ARHGEF28: variants seen among roughly 807,000 people sequenced by gnomAD.
ARHGEF28 encodes the protein 190 kDa guanine nucleotide exchange factor.
Under a neutral mutation model 206.6 loss-of-function variants are expected in ARHGEF28, and 152 were observed. The ratio of observed to expected loss-of-function variants is 0.74; its 90% CI spans 0.64 to 0.84. ARHGEF28 has a LOEUF of 0.84. Among genes scored for constraint, ARHGEF28 ranks in the 40% least tolerant of loss-of-function variants. ARHGEF28 has a pLI of 0.00. For missense variants in ARHGEF28, 2,028 were observed against 2,073.2 expected, an observed-to-expected ratio of 0.98 and a Z score of 0.42; for synonymous variants, 763 against 776.4, an observed-to-expected ratio of 0.98 and a Z score of 0.29.
At chr5:73,772,625 C>T (rs866212294) in intron 4 of ARHGEF28, among the ~76,000 whole-genome samples, 12 of 152,160 alleles carry the variant, frequency 7.9e-5, no homozygotes, top group South Asian at 2.1e-4. Flanking sequence ...GTGATCCTCC[C>T]GCGTTGGCCT....
intron 10 of ARHGEF28, among the ~76,000 whole-genome samples, chr5:73,834,910 T>G (rs1757530647): frequency 6.6e-6 from 1 of 152,178 alleles, no homozygotes; most frequent in African/African-American, 2.4e-5. Flanking sequence ...CATATCTACA[T>G]ACTTAAGTGA....
chr5:73,837,937 G>A lies in ARHGEF28; in HGVS notation c.1147-2543G>A, dbSNP rs1049109064. Reference sequence around the variant, plus strand: ...TGGTATTTTTAGAAGAGACAGTTTCGCCATGTTGGCCAGGCTGGTCTTGAA... The same window carrying A: ...TGGTATTTTTAGAAGAGACAGTTTCACCATGTTGGCCAGGCTGGTCTTGAA... On this transcript the variant is annotated intron_variant, in intron 10 of 35. Transcript: ENST00000513042. 7.2e-5 allele frequency among the ~76,000 whole-genome samples: 11 copies of A among 151,878 alleles called. No individual in the cohort carries two copies. In the East Asian group the frequency reaches 9.7e-4, roughly 13 times the overall value.
intron 7 of ARHGEF28, 180 bp from the exon 8 acceptor site, chr5:73,794,222 G>A (rs967992941): frequency 7.7e-6 from 4 of 521,086 alleles, no homozygotes; most frequent in African/African-American, 4.0e-5. Context: ...CCAGAGTATG[G>A]ACAGTCGGGT....
chr5:73,904,786 T>G (rs936680427), intron 33 of ARHGEF28: 44 of 211,212 alleles, frequency 2.1e-4, no homozygotes, highest in Middle Eastern at 3.7e-3. Context: ...TTTAGAGCAG[T>G]TAAGTAATCC....
chr5:73,745,084 T>A (rs189713394), intron 2 of ARHGEF28, among the ~76,000 whole-genome samples: 47 of 152,198 alleles, frequency 3.1e-4, no homozygotes, highest in Non-Finnish European at 2.1e-4. Context: ...TGTCATAATT[T>A]GAAAATACAG....
Position 73,852,675 on chromosome 5 carries a change from G to A in ARHGEF28, c.1773G>A (p.Glu591=), listed in dbSNP as rs371045822. 3.5e-5 allele frequency: 56 copies of A among 1,613,624 alleles called. No individual in the cohort carries two copies. In the South Asian group the frequency reaches 4.1e-4, roughly 12 times the overall value. ...AGCAAAGAGCTTACAGCTTATCGGA[G>A]CCACCAAGAGAAAACAGGTACTTTT... ...SEEQRAYSLS[E]PPRENRIQEE... is the part of the protein sequence containing the mutation. The change falls in exon 14 of 36, where the codon GAG becomes GAA. Residue 591 remains glutamate (E), a synonymous_variant. Coordinates refer to ENST00000513042, the MANE Select transcript of ARHGEF28 (RefSeq NM_001177693.2).
At chr5:73,685,609 ATTTT>A (rs907686761) in intron 2 of ARHGEF28, among the ~76,000 whole-genome samples, 1 of 151,724 alleles carries the variant, frequency 6.6e-6, no homozygotes, top group Non-Finnish European at 1.5e-5. Flanking sequence ...AACAAATTTT[ATTTT>A]TTTTATTTTT....
intron 23 of ARHGEF28, 94 bp downstream of exon 23, chr5:73,882,688 A>G (rs1761030212): frequency 1.7e-6 from 2 of 1,184,712 alleles, no homozygotes; most frequent in African/African-American, 1.6e-5. Flanking sequence ...TTTCTTAGCT[A>G]ATGATGCTTT....
intron 26 of ARHGEF28, among the ~76,000 whole-genome samples, chr5:73,890,718 G>A (rs1761572094): frequency 2.0e-5 from 3 of 152,190 alleles, no homozygotes. Context: ...CAGCAGTGAG[G>A]GAACAGTGGC....
intron 9 of ARHGEF28, among the ~76,000 whole-genome samples, chr5:73,825,564 C>T (rs62357750): frequency 0.066 from 10,088 of 152,186 alleles, 464 homozygotes; most frequent in Non-Finnish European, 0.1. Flanking sequence ...AGAGGCATGA[C>T]GTGACTCGAT....
chr5:73,774,004 G>T lies in ARHGEF28; in HGVS notation c.625G>T (p.Glu209Ter). Residue 209 changes from glutamate (E) to a stop codon, truncating the protein, a stop_gained, in exon 5 of 36, where the codon GAA becomes TAA. Transcript: ENST00000513042. LOFTEE classifies it high-confidence loss of function. ...CACACCATTAGACTTAGCTTTACGT[G>T]AAGGACACTCCAAGCTGGTGGAAGA... ...GATPLDLALR[E>*]GHSKLVEDVT... 5.0e-6 allele frequency: 8 copies of T among 1,603,650 alleles called. No homozygotes were observed. Among genetic ancestry groups the T allele is most frequent in the Middle Eastern group, 1.7e-4 (1 of 6,032 alleles).
At chr5:73,880,175 C>T (rs1041766931) in intron 22 of ARHGEF28, among the ~76,000 whole-genome samples, 1 of 152,190 alleles carries the variant, frequency 6.6e-6, no homozygotes, top group Non-Finnish European at 1.5e-5. Flanking sequence ...GCAGTTTGTT[C>T]TCAGACTGCT....
At chr5:73,746,658 G>A (rs1751735910) in intron 2 of ARHGEF28, among the ~76,000 whole-genome samples, 1 of 151,936 alleles carries the variant, frequency 6.6e-6, no homozygotes, top group African/African-American at 2.4e-5. Context: ...TAATCATTTG[G>A]TAGAAGGCAT....
At chr5:73,761,997 A>AT (rs36121449) in intron 4 of ARHGEF28, among the ~76,000 whole-genome samples, 42,497 of 137,908 alleles carry the variant, frequency 0.31, 6,844 homozygotes, top group African/African-American at 0.45. Flanking sequence ...CAACTGGGTA[A>AT]TTTTTTTTTT....
chr5:73,818,136 G>T (rs1410662175), intron 9 of ARHGEF28, among the ~76,000 whole-genome samples: 1 of 152,200 alleles, frequency 6.6e-6, no homozygotes, highest in East Asian at 1.9e-4. Context: ...CTGTGGCCTG[G>T]AAAGTTTACA....
chr5:73,780,098 G>C (rs1319071491), intron 6 of ARHGEF28, among the ~76,000 whole-genome samples: 3 of 152,138 alleles, frequency 2.0e-5, no homozygotes, highest in Non-Finnish European at 4.4e-5. Flanking sequence ...TGGCTGTGGG[G>C]AATCTGTCAA....
intron 24 of ARHGEF28, among the ~76,000 whole-genome samples, chr5:73,885,414 A>G (rs1761208925): frequency 6.6e-6 from 1 of 152,116 alleles, no homozygotes; most frequent in African/African-American, 2.4e-5. Context: ...ACCTTTCATA[A>G]TAAAATATTT....
intron 2 of ARHGEF28, among the ~76,000 whole-genome samples, chr5:73,714,075 T>C (rs1305408660): frequency 6.6e-6 from 1 of 152,210 alleles, no homozygotes; most frequent in Non-Finnish European, 1.5e-5. Context: ...AACTGGGGAC[T>C]TTAACCGCCC....
chr5:73,897,302 T>A (rs1762013222), intron 29 of ARHGEF28, among the ~76,000 whole-genome samples: 1 of 152,214 alleles, frequency 6.6e-6, no homozygotes, highest in African/African-American at 2.4e-5. Flanking sequence ...TAGTGGGTTG[T>A]GTATGTCTCT....
Sources: gnomAD v4.1 joint callset for allele counts (sites outside exome capture counted in the v4.1 genomes callset) on GRCh38, gnomAD v4.1.1 for gene constraint, MANE v1.5 for transcripts, NCBI Gene and HGNC (gene_info 2026-07-23, HGNC 2026-07-21) for gene names.